PTPRG: variants seen among roughly 807,000 people sequenced by gnomAD.
PTPRG encodes receptor-type tyrosine-protein phosphatase gamma.
Under a neutral mutation model 165.3 loss-of-function variants are expected in PTPRG, and 102 were observed. The ratio of observed to expected loss-of-function variants is 0.62; its 90% CI spans 0.53 to 0.73. The LOEUF (loss-of-function observed/expected upper bound fraction) is 0.73. Ranked by LOEUF, PTPRG falls within the 30% of genes least tolerant of loss-of-function variation. PTPRG has a pLI of 0.00. For missense variants in PTPRG, 1,866 were observed against 1,861.4 expected (o/e 1.00, Z -0.05); for synonymous variants, 675 against 669.5 (o/e 1.01, Z -0.13).
In PTPRG at chr3:62,099,793, C is replaced by CTTTTTTTTT. The variant is rs759385441; in HGVS notation, c.615+21550_615+21558dup. On this transcript the variant is annotated intron_variant, in intron 5 of 29. Transcript: ENST00000474889. The stretch of plus-strand genomic sequence containing the variant: ...TAGTCATAGTACTTAAGTGTTAAAT[C>CTTTTTTTTT]TTTTTTTTTTTTTTTTTTTTTTTGA... 5.5e-5 allele frequency among the ~76,000 whole-genome samples: 5 copies of CTTTTTTTTT among 90,728 alleles called. 1 individual carries two copies. The highest frequency in any genetic ancestry group is 8.9e-4 in the South Asian group (2 of 2,250). 59.5% of individuals were successfully genotyped at this position (90,728 alleles called of 152,430 possible).
chr3:61,787,491 G>C (rs965086494), intron 2 of PTPRG, among the ~76,000 whole-genome samples: 1 of 152,130 alleles, frequency 6.6e-6, no homozygotes, highest in Non-Finnish European at 1.5e-5. Context: ...TAAATATTCC[G>C]AGTGGTATCA....
At chr3:62,073,540 G>A (rs572466203) in intron 4 of PTPRG, among the ~76,000 whole-genome samples, 4 of 152,080 alleles carry the variant, frequency 2.6e-5, no homozygotes, top group East Asian at 3.9e-4. Context: ...GTGCAGTGGC[G>A]CAATCTCGGC....
intron 1 of PTPRG, among the ~76,000 whole-genome samples, chr3:61,577,899 G>C (rs1257614604): frequency 6.6e-6 from 1 of 152,224 alleles, no homozygotes; most frequent in Non-Finnish European, 1.5e-5. Flanking sequence ...GGGTATGTTA[G>C]GATAGCAGGT....
At chr3:62,177,947 G>A (rs539735146) in intron 8 of PTPRG, among the ~76,000 whole-genome samples, 1 of 151,734 alleles carries the variant, frequency 6.6e-6, no homozygotes, top group South Asian at 2.1e-4. Flanking sequence ...AGTTCTGTGA[G>A]GGGTGAGACT....
chr3:61,910,102 T>C (rs532787294), intron 2 of PTPRG, among the ~76,000 whole-genome samples: 1 of 152,338 alleles, frequency 6.6e-6, no homozygotes, highest in Admixed American at 6.5e-5. Flanking sequence ...CTCATTATGC[T>C]GTTATGCATT....
intron 5 of PTPRG, among the ~76,000 whole-genome samples, chr3:62,087,209 T>A: frequency 6.6e-6 from 1 of 152,204 alleles, no homozygotes; most frequent in Admixed American, 6.5e-5. Flanking sequence ...GTTAAGTGAT[T>A]GACCGTGGTC....
intron 28 of PTPRG, among the ~76,000 whole-genome samples, chr3:62,283,489 T>G (rs1219652026): frequency 1.3e-5 from 2 of 152,140 alleles, no homozygotes; most frequent in Non-Finnish European, 2.9e-5. Flanking sequence ...GTCATAGATA[T>G]ATCTTATTGT....
Position 61,625,465 on chromosome 3 carries a change from G to A in PTPRG, c.85+63093G>A, listed in dbSNP as rs1287103732. On this transcript the variant is annotated intron_variant, in intron 1 of 29. Transcript: ENST00000474889. ...CTTCTGGAATCTAAGGGCTTGTAAT[G>A]GGGCCATTTACATTTCCAGTTAGTT... 4.6e-5 allele frequency among the ~76,000 whole-genome samples: 7 copies of A among 152,176 alleles called. 1 individual carries two copies. In the South Asian group the frequency reaches 1.5e-3, roughly 32 times the overall value.
chr3:61,779,063 CACAG>C (rs1246361692), intron 2 of PTPRG, among the ~76,000 whole-genome samples: 1 of 152,154 alleles, frequency 6.6e-6, no homozygotes, highest in African/African-American at 2.4e-5. Flanking sequence ...TTTACACACA[CACAG>C]ACACACACAC....
chr3:61,885,670 T>C (rs1243209523), intron 2 of PTPRG, among the ~76,000 whole-genome samples: 27 of 56,718 alleles, frequency 4.8e-4, no homozygotes, highest in South Asian at 7.7e-4. Context: ...TCCTCTCCTC[T>C]CCTCTCCTCT....
intron 4 of PTPRG, among the ~76,000 whole-genome samples, chr3:62,033,530 T>TCCCCCCCCCCC (rs147045221): frequency 7.3e-4 from 98 of 134,178 alleles, no homozygotes; most frequent in East Asian, 2.3e-3. Flanking sequence ...ATGCCTATCT[T>TCCCCCCCCCCC]CCCCCCCCCA....
chr3:62,142,200 T>C (rs1703957768), intron 6 of PTPRG, among the ~76,000 whole-genome samples: 1 of 151,872 alleles, frequency 6.6e-6, no homozygotes, highest in African/African-American at 2.4e-5. Context: ...GAAGAAAACA[T>C]TGTGCATTCC....
intron 4 of PTPRG, among the ~76,000 whole-genome samples, chr3:62,069,682 T>TCACACACA (rs1315675844): frequency 2.6e-4 from 38 of 144,152 alleles, no homozygotes; most frequent in Admixed American, 1.4e-3. Context: ...TCTCTCTCTC[T>TCACACACA]CTCACACACA....
chr3:62,063,076 A>G (rs1038460280), intron 4 of PTPRG, among the ~76,000 whole-genome samples: 1 of 152,238 alleles, frequency 6.6e-6, no homozygotes, highest in South Asian at 2.1e-4. Context: ...TAAAAGCATC[A>G]TCTCAATTTT....
Position 61,729,411 on chromosome 3 carries a change from A to T in PTPRG, c.86-19467A>T, listed in dbSNP as rs573398068. 2.6e-5 allele frequency among the ~76,000 whole-genome samples: 4 copies of T among 152,322 alleles called. No homozygotes were observed. In the East Asian group the frequency reaches 7.7e-4, roughly 29 times the overall value. On this transcript the variant is annotated intron_variant, in intron 1 of 29. Coordinates refer to ENST00000474889, the MANE Select transcript of PTPRG (RefSeq NM_002841.4). ...ACCGCTATATTTTTGGGTTTCATAG[A>T]GTAGGCTATCAGTTTGCCGTGTTTG...
At chr3:62,093,181 A>C (rs1248847251) in intron 5 of PTPRG, among the ~76,000 whole-genome samples, 1 of 152,216 alleles carries the variant, frequency 6.6e-6, no homozygotes, top group Non-Finnish European at 1.5e-5. Flanking sequence ...AGAGCTTATC[A>C]GAGATCCCTT....
intron 1 of PTPRG, chr3:61,742,644 G>A: frequency 1.2e-6 from 2 of 1,604,970 alleles, no homozygotes; most frequent in South Asian, 1.1e-5. Flanking sequence ...TTTGGAACTT[G>A]ATTGTGGACT....
At chr3:61,655,843 A>G (rs1702494791) in intron 1 of PTPRG, among the ~76,000 whole-genome samples, 1 of 152,162 alleles carries the variant, frequency 6.6e-6, no homozygotes, top group Admixed American at 6.5e-5. Flanking sequence ...CCTGGTCTCA[A>G]GCCATTCTCC....
chr3:61,871,108 C>CTGTTATGTTA (rs200340668), intron 2 of PTPRG, among the ~76,000 whole-genome samples: 28 of 127,068 alleles, frequency 2.2e-4, no homozygotes, highest in African/African-American at 7.0e-4. Flanking sequence ...CCTACATTCC[C>CTGTTATGTTA]TGTTATGTTA....
Sources: gnomAD v4.1 joint callset for allele counts (sites outside exome capture counted in the v4.1 genomes callset) on GRCh38, gnomAD v4.1.1 for gene constraint, MANE v1.5 for transcripts, NCBI Gene and HGNC (gene_info 2026-07-23, HGNC 2026-07-21) for gene names.